The following MEGF11 variants were observed in gnomAD, a reference collection of about 807,000 sequenced individuals.
The protein encoded by MEGF11 is multiple EGF like domains 11.
Under a neutral mutation model 146.6 loss-of-function variants are expected in MEGF11, and 126 were observed. The ratio of observed to expected loss-of-function variants is 0.86; its 90% confidence interval spans 0.74 to 1.00. MEGF11 has a LOEUF of 1.00. Among genes scored for constraint, MEGF11 ranks in the 50% least tolerant of loss-of-function variants. The pLI, the probability that MEGF11 is intolerant of heterozygous loss-of-function variation, is 0.00. For missense variants in MEGF11, 1,509 were observed against 1,521.2 expected (o/e 0.99, Z 0.13); for synonymous variants, 532 against 583.4 (o/e 0.91, Z 1.27).
At chr15:66,227,242 A>G (rs564200821) in intron 1 of MEGF11, among the ~76,000 whole-genome samples, 1 of 152,158 alleles carries the variant, frequency 6.6e-6, no homozygotes, top group Non-Finnish European at 1.5e-5. Flanking sequence ...CTGCTTACTG[A>G]CGGGATCATC....
intron 5 of MEGF11, among the ~76,000 whole-genome samples, chr15:66,012,065 TAAA>T (rs11333434): frequency 6.8e-6 from 1 of 148,080 alleles, no homozygotes; most frequent in African/African-American, 2.5e-5. Context: ...CCCCATCTCT[TAAA>T]AAAAAAAAAA....
At chr15:66,134,002 G>T (rs1029699879) in intron 1 of MEGF11, among the ~76,000 whole-genome samples, 1 of 152,036 alleles carries the variant, frequency 6.6e-6, no homozygotes, top group African/African-American at 2.4e-5. Context: ...GATAAATTCT[G>T]CTTTCTCCTT....
intron 1 of MEGF11, among the ~76,000 whole-genome samples, chr15:66,156,847 A>G (rs1474089067): frequency 6.6e-6 from 1 of 152,164 alleles, no homozygotes; most frequent in Non-Finnish European, 1.5e-5. Flanking sequence ...GAGAGAACAG[A>G]GCAACGCAAG....
intron 5 of MEGF11, among the ~76,000 whole-genome samples, chr15:66,009,397 G>A (rs193010453): frequency 6.6e-6 from 1 of 152,106 alleles, no homozygotes; most frequent in East Asian, 1.9e-4. Flanking sequence ...TGTCCTTGGG[G>A]ATGCTTCCTA....
chr15:65,942,347 G>A (rs1191074843), intron 10 of MEGF11, among the ~76,000 whole-genome samples: 1 of 152,172 alleles, frequency 6.6e-6, no homozygotes, highest in Non-Finnish European at 1.5e-5. Flanking sequence ...TGGCTTATGG[G>A]GGCTTATGGA....
chr15:66,158,656 T>C (rs2089847677), intron 1 of MEGF11, among the ~76,000 whole-genome samples: 1 of 152,344 alleles, frequency 6.6e-6, no homozygotes, highest in South Asian at 2.1e-4. Context: ...GGAAGCAGGA[T>C]TTTTGAAAGC....
intron 4 of MEGF11, among the ~76,000 whole-genome samples, chr15:66,099,259 T>C (rs766336001): frequency 5.6e-5 from 8 of 142,624 alleles, no homozygotes; most frequent in African/African-American, 2.1e-4. Flanking sequence ...CTCGGCTCAC[T>C]GCAACCTCTG....
chr15:65,915,736 A>G (rs1567154348), intron 18 of MEGF11, 138 bp from the exon 19 acceptor site: 1 of 1,118,314 alleles, frequency 8.9e-7, no homozygotes, highest in East Asian at 2.6e-5. Context: ...GTTGAGGAGC[A>G]TTTATAGCAC....
chr15:66,101,170 G>A (rs536917833), intron 4 of MEGF11, among the ~76,000 whole-genome samples: 1 of 152,022 alleles, frequency 6.6e-6, no homozygotes, highest in South Asian at 2.1e-4. Flanking sequence ...ACATGTCAGG[G>A]ACAGGGGAAG....
intron 1 of MEGF11, among the ~76,000 whole-genome samples, chr15:66,245,088 G>A (rs958961241): frequency 6.6e-6 from 1 of 152,190 alleles, no homozygotes; most frequent in Non-Finnish European, 1.5e-5. Context: ...CAGTAGTGAG[G>A]GGAGGTCACC....
intron 5 of MEGF11, among the ~76,000 whole-genome samples, chr15:65,990,715 GAAA>G (rs1337498690): frequency 0.03 from 56 of 1,840 alleles, no homozygotes; most frequent in African/African-American, 0.045. Flanking sequence ...AAGGAAGGAA[GAAA>G]GAAAGAAAGA....
intron 5 of MEGF11, among the ~76,000 whole-genome samples, chr15:66,077,050 G>A (rs2085620494): frequency 3.3e-5 from 5 of 152,224 alleles, no homozygotes; most frequent in Admixed American, 3.3e-4. Flanking sequence ...AGAGTGAGTA[G>A]ATGAAAAATA....
chr15:65,976,257 T>G (rs1431307246), intron 7 of MEGF11, among the ~76,000 whole-genome samples: 3 of 152,060 alleles, frequency 2.0e-5, no homozygotes, highest in Non-Finnish European at 4.4e-5. Flanking sequence ...GCCAGGCTGG[T>G]CTTGAACTCC....
chr15:66,229,708 CAGGG>C (rs1454158541), intron 1 of MEGF11, among the ~76,000 whole-genome samples: 1 of 151,702 alleles, frequency 6.6e-6, no homozygotes, highest in East Asian at 1.9e-4. Flanking sequence ...AAGGCTCCCA[CAGGG>C]AGGAAGGGCC....
intron 1 of MEGF11, among the ~76,000 whole-genome samples, chr15:66,178,818 C>T (rs2141141644): frequency 6.6e-6 from 1 of 152,234 alleles, no homozygotes; most frequent in South Asian, 2.1e-4. Flanking sequence ...GGGATAGACA[C>T]AATACCAAGA....
Position 65,897,646 on chromosome 15 carries a change from C to T in MEGF11, c.*288G>A, listed in dbSNP as rs2078383852. 2 of 201,316 alleles carry T rather than the reference C, an allele frequency of 9.9e-6. No homozygotes were observed. Among genetic ancestry groups the T allele is most frequent in the East Asian group, 1.1e-4 (1 of 9,228 alleles). The allele number at this position is 201,316 out of a possible 1,614,324, so 12.5% of individuals were successfully genotyped here. A position where few individuals can be genotyped will look rare whatever the true frequency, so the allele number is the denominator to read the frequency against. The stretch of plus-strand genomic sequence containing the variant: ...TTCAGATAAATATATATATATATAT[C>T]AGCTATATTTAGCTGATGTTGATGA... On this transcript the variant is annotated 3_prime_UTR_variant, in exon 26 of 26. Coordinates refer to ENST00000395614, the MANE Select transcript of MEGF11 (RefSeq NM_001385028.1).
intron 5 of MEGF11, among the ~76,000 whole-genome samples, chr15:66,045,634 A>T (rs928045972): frequency 6.6e-6 from 1 of 152,158 alleles, no homozygotes; most frequent in African/African-American, 2.4e-5. Flanking sequence ...CTCCAAATGA[A>T]ACACAGAAGA....
At chr15:66,048,154 C>T (rs779905805) in intron 5 of MEGF11, among the ~76,000 whole-genome samples, 2 of 152,322 alleles carry the variant, frequency 1.3e-5, no homozygotes, top group Non-Finnish European at 2.9e-5. Context: ...CCATGTTGGC[C>T]AGGCTGCTCT....
intron 19 of MEGF11, chr15:65,914,196 G>A: frequency 3.5e-6 from 2 of 568,232 alleles, no homozygotes; most frequent in East Asian, 5.6e-5. Flanking sequence ...TGTGACTGTC[G>A]ATGTGAAACA....
Sources: allele counts gnomAD v4.1 joint callset (sites outside exome capture counted in the v4.1 genomes callset), GRCh38; gene constraint gnomAD v4.1.1; transcripts MANE v1.5; gene names NCBI Gene and HGNC (gene_info 2026-07-23, HGNC 2026-07-21).